FAM110B: variants seen among roughly 807,000 people sequenced by gnomAD.
FAM110B encodes family with sequence similarity 110 member B.
FAM110B carries 6 observed loss-of-function variants against 20.4 expected under a neutral mutation model. The observed-to-expected ratio is 0.29, with a 90% CI of 0.16 to 0.58. The LOEUF (loss-of-function observed/expected upper bound fraction) is 0.58. Among genes scored for constraint, FAM110B ranks in the 20% least tolerant of loss-of-function variants. The probability of loss-of-function intolerance (pLI) is 0.90; values close to 1 mark genes in which losing one functional copy is unlikely to be tolerated. For missense variants in FAM110B, 434 were observed against 498.2 expected (o/e 0.87, Z 1.23); for synonymous variants, 226 against 214.1 (o/e 1.06, Z -0.49).
intron 1 of FAM110B, among the ~76,000 whole-genome samples, chr8:58,019,006 A>G (rs953092998): frequency 1.3e-5 from 2 of 152,096 alleles, no homozygotes; most frequent in Non-Finnish European, 2.9e-5. Context: ...ACAATACATT[A>G]TTTTTTACTT....
At chr8:58,067,308 C>T (rs577783867) in intron 2 of FAM110B, among the ~76,000 whole-genome samples, 14 of 152,174 alleles carry the variant, frequency 9.2e-5, no homozygotes, top group Non-Finnish European at 1.3e-4. Context: ...TACACGTCTG[C>T]ATTCTGTGAG....
intron 3 of FAM110B, among the ~76,000 whole-genome samples, chr8:58,084,676 C>T (rs1563364172): frequency 6.6e-6 from 1 of 152,170 alleles, no homozygotes. Context: ...GCATGAGCCA[C>T]CGTGCCTGGT....
chr8:58,037,132 A>AT (rs11435497), intron 2 of FAM110B, among the ~76,000 whole-genome samples: 29,496 of 151,492 alleles, frequency 0.19, 4,095 homozygotes, highest in African/African-American at 0.39. Flanking sequence ...AGTATGTTAA[A>AT]TTTTTTTTTA....
intron 3 of FAM110B, among the ~76,000 whole-genome samples, chr8:58,143,321 T>A (rs1476863699): frequency 6.6e-6 from 1 of 152,234 alleles, no homozygotes. Context: ...TTGTTTTTTT[T>A]CCTTCCCAGA....
At chr8:58,099,926 T>C (rs1202471580) in intron 3 of FAM110B, among the ~76,000 whole-genome samples, 1 of 152,186 alleles carries the variant, frequency 6.6e-6, no homozygotes, top group African/African-American at 2.4e-5. Context: ...AGTCTCTCCT[T>C]ACCAACTGCG....
At chr8:57,998,658 G>A (rs560657026) in intron 1 of FAM110B, among the ~76,000 whole-genome samples, 33 of 152,208 alleles carry the variant, frequency 2.2e-4, no homozygotes, top group Non-Finnish European at 4.3e-4. Context: ...GCTAAATGTA[G>A]CATTAACTCT....
chr8:58,117,689 C>T (rs923976203), intron 3 of FAM110B, among the ~76,000 whole-genome samples: 22 of 152,076 alleles, frequency 1.4e-4, no homozygotes, highest in African/African-American at 4.8e-4. Context: ...TTAATATGTT[C>T]GTATTTGCAA....
In FAM110B at chr8:58,059,782, T is replaced by G. The variant is rs141515796; in HGVS notation, c.-413-15753T>G. On this transcript the variant is annotated intron_variant, in intron 2 of 3. Transcript: ENST00000519262. Reference sequence around the variant, plus strand: ...AGTTTATTAATTCTTTCAAAACAGTTGATGTTTTTGCAACTCTAGAACATT... The same window carrying G: ...AGTTTATTAATTCTTTCAAAACAGTGGATGTTTTTGCAACTCTAGAACATT... Among the ~76,000 whole-genome samples the G allele has an allele frequency of 7.5e-4, 114 of 152,192 alleles. 2 individuals are homozygous for G. In the East Asian group the frequency reaches 0.021, roughly 28 times the overall value.
At chr8:58,068,547 C>G (rs1282731572) in intron 2 of FAM110B, among the ~76,000 whole-genome samples, 1 of 151,600 alleles carries the variant, frequency 6.6e-6, no homozygotes, top group Non-Finnish European at 1.5e-5. Flanking sequence ...CAGAGCAAAT[C>G]ATAATGCCTC....
chr8:58,037,470 A>G (rs552020123), intron 2 of FAM110B, among the ~76,000 whole-genome samples: 7 of 148,652 alleles, frequency 4.7e-5, no homozygotes, highest in Middle Eastern at 3.4e-3. Context: ...CTCAGTCTCC[A>G]CAAAAAAAAA....
At chr8:58,048,173 T>G (rs1003087732) in intron 2 of FAM110B, among the ~76,000 whole-genome samples, 13 of 152,206 alleles carry the variant, frequency 8.5e-5, no homozygotes, top group African/African-American at 3.1e-4. Flanking sequence ...TTCTCTAACT[T>G]AGGCTCTTTC....
rs939272286 is a variant in FAM110B at position 58,146,117 on chromosome 8, C to G, written c.-114C>G. 4 of 1,264,292 alleles carry G rather than the reference C, an allele frequency of 3.2e-6. No individual in the cohort carries two copies. Among genetic ancestry groups the G allele is most frequent in the East Asian group, 5.0e-5 (2 of 39,810 alleles). The allele number at this position is 1,264,292 out of a possible 1,614,324, so 78.3% of individuals were successfully genotyped here. On this transcript the variant is annotated 5_prime_UTR_variant, in exon 4 of 4. Transcript: ENST00000519262. ...TGCTGCGGCCGCTGCTGCTGACACT[C>G]GCTCCCAGGCTGCACCCGCCGCCCT...
chr8:58,103,428 T>C (rs1000054138), intron 3 of FAM110B, among the ~76,000 whole-genome samples: 2 of 151,574 alleles, frequency 1.3e-5, no homozygotes, highest in African/African-American at 4.9e-5. Flanking sequence ...CGGTGTTTGG[T>C]TTTTTGTTCT....
At chr8:58,061,568 A>G (rs990785169) in intron 2 of FAM110B, among the ~76,000 whole-genome samples, 2 of 152,242 alleles carry the variant, frequency 1.3e-5, no homozygotes, top group African/African-American at 4.8e-5. Context: ...GAGGAATGTA[A>G]TCGAATACTT....
chr8:58,096,316 C>T (rs1337443373), intron 3 of FAM110B, among the ~76,000 whole-genome samples: 1 of 152,138 alleles, frequency 6.6e-6, no homozygotes, highest in Non-Finnish European at 1.5e-5. Flanking sequence ...GCTGGGATTA[C>T]AGGCACCTGC....
chr8:58,132,054 T>A (rs1480739410), intron 3 of FAM110B, among the ~76,000 whole-genome samples: 1 of 152,256 alleles, frequency 6.6e-6, no homozygotes, highest in Non-Finnish European at 1.5e-5. Context: ...CTTAGAAAGA[T>A]ATTAGAATAC....
Position 58,146,844 on chromosome 8 carries a change from A to G in FAM110B, c.614A>G (p.Lys205Arg). The change falls in exon 4 of 4, where the codon AAG becomes AGG. Residue 205 changes from lysine (K) to arginine (R), a missense_variant. Physicochemically the swap from Lys to Arg is conservative, Grantham distance 26. Coordinates refer to ENST00000519262, the MANE Select transcript of FAM110B (RefSeq NM_001377989.1). ...HVSHSSSDIRKVTSVKPLKAI... is the reference protein window; with the variant it reads ...HVSHSSSDIRRVTSVKPLKAI... ...TCCCACAGCTCTTCGGACATCCGCA[A>G]GGTGACCAGCGTGAAGCCCCTCAAG... is the stretch of plus-strand genomic sequence containing the variant. 1.9e-6 allele frequency: 3 copies of G among 1,613,312 alleles called. No individual in the cohort carries two copies. The highest frequency in any genetic ancestry group is 1.3e-5 in the African/African-American group (1 of 75,046).
intron 3 of FAM110B, among the ~76,000 whole-genome samples, chr8:58,120,407 G>C (rs1807330059): frequency 6.6e-6 from 1 of 152,118 alleles, no homozygotes. Flanking sequence ...CCTCTCATCT[G>C]AATTATCCTG....
chr8:58,068,970 G>T (rs1468351745), intron 2 of FAM110B, among the ~76,000 whole-genome samples: 2 of 152,020 alleles, frequency 1.3e-5, no homozygotes, highest in East Asian at 3.8e-4. Context: ...ATAATTAGAA[G>T]CCCTTAATTT....
Sources: allele counts gnomAD v4.1 joint callset (sites outside exome capture counted in the v4.1 genomes callset), GRCh38; gene constraint gnomAD v4.1.1; transcripts MANE v1.5; gene names NCBI Gene and HGNC (gene_info 2026-07-23, HGNC 2026-07-21).